Variants in HERC2 observed in about 807,000 individuals in gnomAD.
The protein encoded by HERC2 is E3 ubiquitin-protein ligase HERC2.
In HERC2, 102 loss-of-function variants were observed where a neutral mutation model predicts 537.7. The ratio of observed to expected loss-of-function variants is 0.19; its 90% CI spans 0.16 to 0.22. The LOEUF (loss-of-function observed/expected upper bound fraction) is 0.22, where lower values mean the gene tolerates loss of function less well. Among genes scored for constraint, HERC2 ranks in the 10% least tolerant of loss-of-function variants. The pLI is 1.00. For synonymous variants in HERC2, 2,224 were observed against 2,466.2 expected, an observed-to-expected ratio of 0.90 and a Z score of 2.91; for missense variants, 4,236 against 6,198.2, an observed-to-expected ratio of 0.68 and a Z score of 10.63.
chr15:28,319,159 C>A (rs1415896693), intron 2 of HERC2, among the ~76,000 whole-genome samples: 3 of 152,164 alleles, frequency 2.0e-5, no homozygotes, highest in Non-Finnish European at 1.5e-5. Flanking sequence ...GTTTAACAAC[C>A]AATGCTGGTG....
chr15:28,240,311 G>C (rs983472415), intron 23 of HERC2, among the ~76,000 whole-genome samples: 2 of 152,124 alleles, frequency 1.3e-5, no homozygotes, highest in Non-Finnish European at 2.9e-5. Context: ...CCAGCTACTC[G>C]GGAGGCTGAG....
rs1432001370 is a variant in HERC2, at chr15:28,272,857, G to A, written c.911+37C>T. 1.3e-5 allele frequency: 18 copies of A among 1,381,210 alleles called. No individual in the cohort carries two copies. In the Middle Eastern group the frequency reaches 7.4e-4, roughly 57 times the overall value. 85.6% of individuals were successfully genotyped at this position (1,381,210 alleles called of 1,614,324 possible). On this transcript the variant is annotated intron_variant, in intron 8 of 92. Coordinates refer to ENST00000261609, the MANE Select transcript of HERC2 (RefSeq NM_004667.6). ...GCAACAGGTATTTCCATACACAGGC[G>A]CTTCCCCAAAGCGTTCCCGTCTGCG...
chr15:28,229,421 A>G (rs1343780969), intron 33 of HERC2, 39 bp downstream of exon 33: 2 of 1,613,538 alleles, frequency 1.2e-6, no homozygotes, highest in Non-Finnish European at 1.7e-6. Flanking sequence ...TTGTTGCCAT[A>G]GCTACCTTAA....
intron 68 of HERC2, among the ~76,000 whole-genome samples, chr15:28,166,476 C>T (rs2037551922): frequency 6.6e-6 from 1 of 152,142 alleles, no homozygotes; most frequent in African/African-American, 2.4e-5. Flanking sequence ...AGGGCCTAAC[C>T]AAAGACACTC....
At chr15:28,219,203 C>T (rs1237394804) in intron 37 of HERC2, among the ~76,000 whole-genome samples, 2 of 152,224 alleles carry the variant, frequency 1.3e-5, no homozygotes, top group Non-Finnish European at 2.9e-5. Flanking sequence ...CTGGCTGTGT[C>T]CTAGATGAGG....
intron 3 of HERC2, among the ~76,000 whole-genome samples, chr15:28,295,003 A>G (rs1024290372): frequency 1.1e-4 from 17 of 152,094 alleles, no homozygotes; most frequent in African/African-American, 4.1e-4. Context: ...CAAGAGTGGC[A>G]AAAAAGAACA....
chr15:28,165,131 C>A (rs1893995849), intron 68 of HERC2, among the ~76,000 whole-genome samples: 1 of 152,190 alleles, frequency 6.6e-6, no homozygotes, highest in Non-Finnish European at 1.5e-5. Context: ...TGGAGAGACA[C>A]AGCCAGGCCA....
intron 2 of HERC2, among the ~76,000 whole-genome samples, chr15:28,317,631 G>C (rs1487362252): frequency 6.6e-6 from 1 of 152,190 alleles, no homozygotes; most frequent in African/African-American, 2.4e-5. Context: ...CAGATTAGTG[G>C]TTGTCAGGAG....
chr15:28,188,420 T>TA (rs1294893191), intron 55 of HERC2, among the ~76,000 whole-genome samples: 3 of 151,864 alleles, frequency 2.0e-5, no homozygotes, highest in Admixed American at 6.6e-5. Context: ...GGCAGGCGCC[T>TA]ATAGTCCCAG....
rs746551522 is a variant in HERC2, at chr15:28,220,594, G to A, written c.5703C>T (p.Asp1901=). The change falls in exon 37 of 93, where the codon GAC becomes GAT. Residue 1901 remains aspartate (D), a synonymous_variant. Transcript: ENST00000261609. ...LGRVIGELGE[D]GWIRVQWDTG... ...TGTCCCACTGGACTCTTATCCATCC[G>A]TCCTCTCCCAGCTCACCAATCACGC... 7.7e-5 allele frequency: 123 copies of A among 1,603,218 alleles called. No individual in the cohort carries two copies. The highest frequency in any genetic ancestry group is 9.7e-5 in the Non-Finnish European group (115 of 1,179,826).
At chr15:28,182,118 G>A (rs775885411) in intron 57 of HERC2, among the ~76,000 whole-genome samples, 64 of 152,106 alleles carry the variant, frequency 4.2e-4, no homozygotes, top group Non-Finnish European at 8.2e-4. Context: ...GTTTATTGTA[G>A]GGAAGGCAAG....
At chr15:28,295,518 G>A (rs999912799) in intron 3 of HERC2, among the ~76,000 whole-genome samples, 1 of 152,134 alleles carries the variant, frequency 6.6e-6, no homozygotes, top group African/African-American at 2.4e-5. Context: ...TCGTGCCTCA[G>A]CCCCCAAGGA....
At chr15:28,287,371 C>G (rs573631798) in intron 4 of HERC2, among the ~76,000 whole-genome samples, 1 of 152,100 alleles carries the variant, frequency 6.6e-6, no homozygotes, top group Non-Finnish European at 1.5e-5. Context: ...GTCGGTTCTG[C>G]GAAAGCTCTG....
intron 86 of HERC2, chr15:28,117,704 C>A (rs1244271154): frequency 2.7e-6 from 1 of 377,240 alleles, no homozygotes; most frequent in Non-Finnish European, 5.3e-6. Flanking sequence ...TCCACCCATC[C>A]CATTTCCAAG....
At chr15:28,320,940 A>ATG (rs1288179727) in intron 2 of HERC2, among the ~76,000 whole-genome samples, 1 of 151,942 alleles carries the variant, frequency 6.6e-6, no homozygotes, top group Admixed American at 6.6e-5. Flanking sequence ...ACACAAACAC[A>ATG]AGACCTCATA....
intron 65 of HERC2, among the ~76,000 whole-genome samples, chr15:28,171,992 G>A (rs1169334559): frequency 2.0e-5 from 3 of 151,338 alleles, no homozygotes; most frequent in South Asian, 2.1e-4. Context: ...GGAGAATGGC[G>A]TGAACCCGGG....
chr15:28,185,614 G>A (rs1425746221), intron 56 of HERC2, among the ~76,000 whole-genome samples: 1 of 152,150 alleles, frequency 6.6e-6, no homozygotes, highest in Admixed American at 6.6e-5. Context: ...ACATGCCCTG[G>A]GAAATGCACA....
At chr15:28,307,127 G>A (rs1300651587) in intron 2 of HERC2, among the ~76,000 whole-genome samples, 7 of 152,294 alleles carry the variant, frequency 4.6e-5, no homozygotes, top group South Asian at 2.1e-4. Context: ...GAGCCACCAC[G>A]CCCGGCCTGC....
In HERC2 at chr15:28,260,787, C is replaced by G; in HGVS notation, c.2306G>C (p.Gly769Ala). 1.2e-6 allele frequency: 2 copies of G among 1,614,052 alleles called. No homozygotes were observed. Among genetic ancestry groups the G allele is most frequent in the South Asian group, 2.2e-5 (2 of 91,062 alleles). ...CTCTATATTCAGTACCTGGGCAGGC[C>G]CACAGGCAATTCCCACTATGTGTTT... ...DTKHIVGIAC[G>A]PAQSFAWSSC... The change falls in exon 16 of 93, where the codon GGG (glycine) becomes GCG (alanine). Residue 769 changes from glycine (G) to alanine (A), a missense_variant. Transcript: ENST00000261609.
Sources: gnomAD v4.1 joint callset for allele counts (sites outside exome capture counted in the v4.1 genomes callset) on GRCh38, gnomAD v4.1.1 for gene constraint, MANE v1.5 for transcripts, NCBI Gene and HGNC (gene_info 2026-07-23, HGNC 2026-07-21) for gene names.